Variants in SCLT1 observed in about 807,000 individuals in gnomAD.
SCLT1 encodes sodium channel and clathrin linker 1.
A neutral mutation model predicts 112.8 loss-of-function variants in SCLT1; 78 were observed. That is an observed-to-expected ratio of 0.69 (90% CI 0.58 to 0.83). The LOEUF (loss-of-function observed/expected upper bound fraction) is 0.83, where lower values mean the gene tolerates loss of function less well. Among genes scored for constraint, SCLT1 ranks in the 40% least tolerant of loss-of-function variants. The pLI is 0.00. For missense variants in SCLT1, 747 were observed against 770.4 expected (o/e 0.97, Z 0.36); for synonymous variants, 257 against 254.7 (o/e 1.01, Z -0.09).
At chr4:129,051,563 G>C (rs1004381234) in intron 2 of SCLT1, among the ~76,000 whole-genome samples, 1 of 152,114 alleles carries the variant, frequency 6.6e-6, no homozygotes, top group Non-Finnish European at 1.5e-5. Flanking sequence ...TTGGATTTTT[G>C]CACATTGATT....
At chr4:128,926,698 C>A (rs1429234885) in intron 18 of SCLT1, among the ~76,000 whole-genome samples, 1 of 151,872 alleles carries the variant, frequency 6.6e-6, no homozygotes, top group Non-Finnish European at 1.5e-5. Flanking sequence ...TATTACTGTT[C>A]ATATATATTT....
chr4:128,943,234 A>G, intron 16 of SCLT1, 46 bp from the exon 17 acceptor site: 4 of 1,296,650 alleles, frequency 3.1e-6, no homozygotes, highest in Non-Finnish European at 4.3e-6. Context: ...TTAATGATCT[A>G]TAGTAGAAGA....
intron 4 of SCLT1, among the ~76,000 whole-genome samples, chr4:129,041,440 C>A (rs1243984549): frequency 6.6e-6 from 1 of 152,112 alleles, no homozygotes; most frequent in Non-Finnish European, 1.5e-5. Context: ...AGTGAAAGAA[C>A]CTAATTTTAT....
intron 4 of SCLT1, chr4:128,875,105 C>T (rs919555448): frequency 3.3e-5 from 5 of 152,086 alleles, no homozygotes; most frequent in Admixed American, 6.6e-5. Context: ...TTATTTCTAC[C>T]CCCTTTTTGA....
intron 2 of SCLT1, among the ~76,000 whole-genome samples, chr4:129,064,974 A>G (rs1750345583): frequency 6.6e-6 from 1 of 152,130 alleles, no homozygotes; most frequent in African/African-American, 2.4e-5. Context: ...TCAGTGTTCT[A>G]CATAAGTCAT....
intron 5 of SCLT1, among the ~76,000 whole-genome samples, chr4:129,007,436 T>C (rs1744125313): frequency 6.6e-6 from 1 of 152,184 alleles, no homozygotes; most frequent in South Asian, 2.1e-4. Flanking sequence ...TGCTTACACA[T>C]TCAGAACTGT....
intron 2 of SCLT1, among the ~76,000 whole-genome samples, chr4:129,061,673 G>A (rs1323537327): frequency 6.6e-6 from 1 of 152,122 alleles, no homozygotes; most frequent in Non-Finnish European, 1.5e-5. Context: ...CGTGGATGGG[G>A]TGAGGGGAAG....
rs1737731304 is a variant in SCLT1, at chr4:128,941,951, T to C, written c.1632+1045A>G. ...GGTGCCTTTGTTATAAATCAAGTGA[T>C]TATGATAAATGAGTTTGTTTCTAGA... On this transcript the variant is annotated intron_variant, in intron 17 of 20. Transcript: ENST00000281142. Among the ~76,000 whole-genome samples the C allele has an allele frequency of 5.3e-5, 8 of 152,096 alleles. No individual in the cohort carries two copies. In the South Asian group the frequency reaches 1.7e-3, roughly 32 times the overall value.
chr4:128,971,300 A>T (rs1306436362), intron 9 of SCLT1: 3 of 152,200 alleles, frequency 2.0e-5, no homozygotes, highest in African/African-American at 7.2e-5. Context: ...GTGCTATAGA[A>T]CTTACAGAAA....
intron 9 of SCLT1, among the ~76,000 whole-genome samples, chr4:128,977,063 T>C (rs1460378600): frequency 6.6e-6 from 1 of 152,154 alleles, no homozygotes; most frequent in Admixed American, 6.5e-5. Context: ...TCTGTCTCTC[T>C]CTGTAACCAA....
chr4:128,933,152 A>G lies in SCLT1; in HGVS notation c.1829+3503T>C, dbSNP rs148875171. Among the ~76,000 whole-genome samples the G allele has an allele frequency of 1.5e-3, 232 of 152,272 alleles. 1 individual carries two copies. The highest frequency in any genetic ancestry group is 0.013 in the East Asian group (67 of 5,172). On this transcript the variant is annotated intron_variant, in intron 18 of 20. Transcript: ENST00000281142. ...ACCCCAGTTAGAACAATCTTGAGAAAGAAAAACAAAGTTGGAGGCTTCACA... is the reference window on the plus strand; with the variant it reads ...ACCCCAGTTAGAACAATCTTGAGAAGGAAAAACAAAGTTGGAGGCTTCACA...
intron 5 of SCLT1, among the ~76,000 whole-genome samples, chr4:129,034,050 T>A (rs1174476104): frequency 2.0e-5 from 3 of 152,164 alleles, no homozygotes; most frequent in Admixed American, 1.3e-4. Flanking sequence ...CCCAGAAATT[T>A]CTTTTCTCTT....
intron 3 of SCLT1, 45 bp from the exon 4 acceptor site, chr4:129,043,512 T>C (rs1040091658): frequency 1.2e-6 from 1 of 838,068 alleles, no homozygotes; most frequent in Non-Finnish European, 1.9e-6. Flanking sequence ...TTCCATCTAG[T>C]TTAATAAATA....
At chr4:128,987,421 A>G (rs1315664470) in intron 9 of SCLT1, among the ~76,000 whole-genome samples, 2 of 152,212 alleles carry the variant, frequency 1.3e-5, no homozygotes, top group Admixed American at 6.5e-5. Context: ...CAAAGTATTA[A>G]TTGCTGTTTT....
At chr4:128,977,417 C>A (rs1741273306) in intron 9 of SCLT1, among the ~76,000 whole-genome samples, 1 of 152,106 alleles carries the variant, frequency 6.6e-6, no homozygotes, top group Admixed American at 6.5e-5. Flanking sequence ...ACTGGTGATG[C>A]AGTGGTAAAC....
At chr4:129,031,901 T>C (rs865930608) in intron 5 of SCLT1, among the ~76,000 whole-genome samples, 2 of 152,092 alleles carry the variant, frequency 1.3e-5, no homozygotes, top group Non-Finnish European at 2.9e-5. Flanking sequence ...AGATTCAATG[T>C]TATTCCCATC....
chr4:129,074,949 C>G (rs1309102965), intron 2 of SCLT1, among the ~76,000 whole-genome samples: 1 of 152,136 alleles, frequency 6.6e-6, no homozygotes, highest in African/African-American at 2.4e-5. Flanking sequence ...GATCCTCCTG[C>G]CACAGCCTCC....
chr4:129,067,766 C>A (rs986540413), intron 2 of SCLT1, among the ~76,000 whole-genome samples: 3 of 152,078 alleles, frequency 2.0e-5, no homozygotes, highest in African/African-American at 7.2e-5. Flanking sequence ...CCTGCCTTGG[C>A]CTCCCTAAGT....
At chr4:128,975,399 T>C (rs1560915587) in intron 9 of SCLT1, among the ~76,000 whole-genome samples, 1 of 152,080 alleles carries the variant, frequency 6.6e-6, no homozygotes, top group Non-Finnish European at 1.5e-5. Context: ...ACATAAAGGA[T>C]AGGATATAAT....
Sources: allele counts gnomAD v4.1 joint callset (sites outside exome capture counted in the v4.1 genomes callset), GRCh38; gene constraint gnomAD v4.1.1; transcripts MANE v1.5; gene names NCBI Gene and HGNC (gene_info 2026-07-23, HGNC 2026-07-21).